NLRP12: variants seen among roughly 807,000 people sequenced by gnomAD.
NLRP12 encodes NACHT, LRR and PYD domains-containing protein 12.
A neutral mutation model predicts 91.2 loss-of-function variants in NLRP12; 108 were observed. The observed-to-expected ratio is 1.18, with a 90% confidence interval of 1.01 to 1.39. NLRP12 has a LOEUF of 1.39. Among genes scored for constraint, NLRP12 ranks in the 40% most tolerant of loss-of-function variants. The pLI, the probability that NLRP12 is intolerant of heterozygous loss-of-function variation, is 0.00. For synonymous variants in NLRP12, 613 were observed against 566.7 expected, an observed-to-expected ratio of 1.08 and a Z score of -1.16; for missense variants, 1,530 against 1,352.7, an observed-to-expected ratio of 1.13 and a Z score of -2.06.
intron 9 of NLRP12, among the ~76,000 whole-genome samples, chr19:53,794,386 C>T (rs2091707535): frequency 6.6e-6 from 1 of 151,300 alleles, no homozygotes; most frequent in Non-Finnish European, 1.5e-5. Context: ...GTGGTGCAAT[C>T]TCAGCTCACT....
Position 53,824,232 on chromosome 19 carries a change from G to C in NLRP12, c.-58C>G. ...GGAGGCTGAGATGCTCCTATGCACG[G>C]GACACAGGGCGACCCCAGCACACCT... On this transcript the variant is annotated 5_prime_UTR_variant, in exon 1 of 10. Coordinates refer to ENST00000324134, the MANE Select transcript of NLRP12 (RefSeq NM_144687.4). 1.3e-6 allele frequency: 2 copies of C among 1,570,182 alleles called. No homozygotes were observed. Among genetic ancestry groups the C allele is most frequent in the Non-Finnish European group, 1.7e-6 (2 of 1,147,886 alleles).
intron 6 of NLRP12, chr19:53,803,629 A>G (rs1407356581): frequency 1.3e-5 from 5 of 374,254 alleles, no homozygotes; most frequent in Non-Finnish European, 2.6e-5. Context: ...GCTGGAGTGC[A>G]GTGACGTGAT....
At chr19:53,799,465 CAT>C (rs1469493760) in intron 7 of NLRP12, among the ~76,000 whole-genome samples, 1 of 151,732 alleles carries the variant, frequency 6.6e-6, no homozygotes, top group Admixed American at 6.6e-5. Context: ...ACCACACACA[CAT>C]ATACACAAAT....
At chr19:53,807,015 C>T (rs899542036) in intron 4 of NLRP12, among the ~76,000 whole-genome samples, 2 of 151,988 alleles carry the variant, frequency 1.3e-5, no homozygotes, top group Non-Finnish European at 2.9e-5. Flanking sequence ...CTTCCAGCAG[C>T]CCCCCACCTG....
intron 1 of NLRP12, among the ~76,000 whole-genome samples, chr19:53,822,144 G>C (rs2092271276): frequency 6.6e-6 from 1 of 152,114 alleles, no homozygotes. Flanking sequence ...CTATGTTCAA[G>C]TACCTGCATG....
In NLRP12 at chr19:53,810,881, T is replaced by C; in HGVS notation, c.778A>G (p.Thr260Ala). ...ATGAGGTCTTGCATGCTGCATTCCG[T>C]GGCACTCTGGTTCATCTCCCTGCAG... The part of the protein sequence containing the change: ...INCREMNQSA[T>A]ECSMQDLIFS... Residue 260 changes from threonine (T) to alanine (A), a missense_variant, in exon 3 of 10, where the codon ACG becomes GCG. Physicochemically the swap from Thr to Ala is moderately conservative, Grantham distance 58. Transcript: ENST00000324134. The C allele has an allele frequency of 6.2e-7, 1 of 1,614,106 alleles. No homozygotes were observed. The highest frequency in any genetic ancestry group is 8.5e-7 in the Non-Finnish European group (1 of 1,180,018).
Position 53,810,279 on chromosome 19 carries a change from C to G in NLRP12, c.1380G>C (p.Gly460=). ...GCCCATCTGCCGCCAAGGAGCACAA[C>G]CCTCTCTGGTTGGGTGGGGGCTGGA... ...PRLQPPPNQR[G]LCSLAADGLW... is the part of the protein sequence containing the mutation. Residue 460 remains glycine, a synonymous_variant, in exon 3 of 10, where the codon GGG becomes GGC. Transcript: ENST00000324134. 6.2e-7 allele frequency: 1 copy of G among 1,614,082 alleles called. No individual in the cohort carries two copies. The highest frequency in any genetic ancestry group is 8.5e-7 in the Non-Finnish European group (1 of 1,180,038).
In NLRP12 at chr19:53,824,213, T is replaced by C. The variant is rs966762024; in HGVS notation, c.-39A>G. On this transcript the variant is annotated 5_prime_UTR_variant, in exon 1 of 10. Transcript: ENST00000324134. The stretch of plus-strand genomic sequence containing the variant: ...GCCCCAAAGGAGAGGACCTGGAGGC[T>C]GAGATGCTCCTATGCACGGGACACA... 5.0e-6 allele frequency: 8 copies of C among 1,605,982 alleles called. No individual in the cohort carries two copies. The highest frequency in any genetic ancestry group is 6.8e-6 in the Non-Finnish European group (8 of 1,176,070).
intron 4 of NLRP12, among the ~76,000 whole-genome samples, chr19:53,806,732 C>T (rs1034708163): frequency 7.2e-6 from 1 of 138,156 alleles, no homozygotes; most frequent in Non-Finnish European, 1.5e-5. Context: ...GTTGCACATG[C>T]TTGTTTTCCC....
At chr19:53,804,821 A>T (rs2091931676) in intron 5 of NLRP12, among the ~76,000 whole-genome samples, 1 of 151,494 alleles carries the variant, frequency 6.6e-6, no homozygotes, top group South Asian at 2.1e-4. Context: ...TGAGGTCAGG[A>T]GTTCAAGACC....
intron 6 of NLRP12, among the ~76,000 whole-genome samples, chr19:53,801,615 G>T (rs1306707998): frequency 6.6e-6 from 1 of 151,348 alleles, no homozygotes; most frequent in Non-Finnish European, 1.5e-5. Context: ...ATCACGCCTA[G>T]TTAGTTTTTG....
chr19:53,808,165 C>A (rs1366219115), intron 3 of NLRP12: 1 of 264,336 alleles, frequency 3.8e-6, no homozygotes, highest in Non-Finnish European at 7.5e-6. Flanking sequence ...TTAAGCAATC[C>A]TCCCACCTCA....
intron 1 of NLRP12, among the ~76,000 whole-genome samples, chr19:53,820,660 A>G (rs2092252218): frequency 1.3e-5 from 2 of 151,718 alleles, no homozygotes; most frequent in Admixed American, 1.3e-4. Flanking sequence ...CCTGGGCAAC[A>G]TAGTGAGACC....
intron 8 of NLRP12, 22 bp downstream of exon 8, chr19:53,798,221 C>T: frequency 6.2e-7 from 1 of 1,613,988 alleles, no homozygotes; most frequent in East Asian, 2.2e-5. Flanking sequence ...CCACTGCCAC[C>T]CCGTCACTCC....
At chr19:53,808,464 C>A (rs922745837) in intron 3 of NLRP12, 3 of 152,416 alleles carry the variant, frequency 2.0e-5, no homozygotes, top group African/African-American at 7.2e-5. Flanking sequence ...TGGTGGCTCA[C>A]ACCTATAATC....
chr19:53,814,737 G>A (rs2122712792), intron 2 of NLRP12, among the ~76,000 whole-genome samples, 171 bp downstream of exon 2: 1 of 152,272 alleles, frequency 6.6e-6, no homozygotes, highest in Admixed American at 6.5e-5. Context: ...AGGACAAAAT[G>A]CTGACGTGGA....
chr19:53,801,053 C>T (rs1166991053), intron 7 of NLRP12, among the ~76,000 whole-genome samples, 174 bp downstream of exon 7: 3 of 146,202 alleles, frequency 2.1e-5, no homozygotes, highest in African/African-American at 7.7e-5. Flanking sequence ...ATTAGCTGGG[C>T]TTGGTGGCGG....
chr19:53,823,493 T>TAAA, intron 1 of NLRP12, among the ~76,000 whole-genome samples: 2 of 82,144 alleles, frequency 2.4e-5, no homozygotes, highest in African/African-American at 9.9e-5. Context: ...TTTTAAAATA[T>TAAA]ATTTATTTAA....
chr19:53,797,841 C>T (rs1293649054), intron 8 of NLRP12, among the ~76,000 whole-genome samples: 4 of 151,624 alleles, frequency 2.6e-5, no homozygotes, highest in Non-Finnish European at 5.9e-5. Flanking sequence ...CAGGTACAAG[C>T]GATTCTCCTG....
Sources: allele counts gnomAD v4.1 joint callset (sites outside exome capture counted in the v4.1 genomes callset), GRCh38; gene constraint gnomAD v4.1.1; transcripts MANE v1.5; gene names NCBI Gene and HGNC (gene_info 2026-07-23, HGNC 2026-07-21).